The following CSTPP1 variants were observed in gnomAD, a reference collection of about 807,000 sequenced individuals.
The protein encoded by CSTPP1 is centriolar satellite-associated tubulin polyglutamylase complex regulator 1.
the CSTPP1 span, among the ~76,000 whole-genome samples, chr11:47,038,343 C>T: frequency 1.2e-5 from 1 of 86,372 alleles, no homozygotes; most frequent in African/African-American, 3.4e-5. Flanking sequence ...CCCCCCACCT[C>T]CCTCCTGGAC....
At chr11:47,161,854 T>C in the CSTPP1 span, 3 of 1,350,512 alleles carry the variant, frequency 2.2e-6, no homozygotes, top group Admixed American at 1.0e-4. Flanking sequence ...TATCAGCCTG[T>C]GAACTTCACT....
the CSTPP1 span, among the ~76,000 whole-genome samples, chr11:47,153,365 G>A: frequency 6.6e-6 from 1 of 151,672 alleles, no homozygotes; most frequent in Non-Finnish European, 1.5e-5. Context: ...TCTGGTGGTG[G>A]AGGCAGCTGT....
the CSTPP1 span, among the ~76,000 whole-genome samples, chr11:47,091,218 C>T: frequency 6.6e-6 from 1 of 151,138 alleles, no homozygotes; most frequent in Non-Finnish European, 1.5e-5. Context: ...GGTGAAACCC[C>T]ATCTCTACTA....
the CSTPP1 span, among the ~76,000 whole-genome samples, chr11:47,104,895 GT>G: frequency 6.6e-6 from 1 of 152,228 alleles, no homozygotes; most frequent in Non-Finnish European, 1.5e-5. Flanking sequence ...GTTTACATCT[GT>G]TTGTCTCAAC....
chr11:47,131,748 G>GGGTGGATCACCTGAGGTC, the CSTPP1 span, among the ~76,000 whole-genome samples: 2 of 151,996 alleles, frequency 1.3e-5, no homozygotes, highest in Non-Finnish European at 2.9e-5. Flanking sequence ...AGGCTGAGGC[G>GGGTGGATCACCTGAGGTC]GGTGGATCAC....
At chr11:47,013,576 AC>A in the CSTPP1 span, among the ~76,000 whole-genome samples, 6 of 152,168 alleles carry the variant, frequency 3.9e-5, no homozygotes, top group African/African-American at 1.4e-4. Context: ...AAAGGACATG[AC>A]CTCATTCCTT....
chr11:47,141,532 G>A, the CSTPP1 span, among the ~76,000 whole-genome samples: 1 of 151,952 alleles, frequency 6.6e-6, no homozygotes, highest in Non-Finnish European at 1.5e-5. Flanking sequence ...GCTTGAGCCT[G>A]GGGGGCAGAG....
the CSTPP1 span, among the ~76,000 whole-genome samples, chr11:47,012,051 G>A: frequency 2.0e-5 from 3 of 151,952 alleles, no homozygotes; most frequent in African/African-American, 4.8e-5. Context: ...GAAGCGGGAG[G>A]ATTGATTGAG....
chr11:46,946,912 G>A, the CSTPP1 span, among the ~76,000 whole-genome samples: 2 of 152,178 alleles, frequency 1.3e-5, no homozygotes, highest in Non-Finnish European at 2.9e-5. Flanking sequence ...TCTACTTTAA[G>A]TAACAGAATA....
the CSTPP1 span, among the ~76,000 whole-genome samples, chr11:46,986,422 AC>A: frequency 2.9e-5 from 4 of 139,760 alleles, no homozygotes; most frequent in Admixed American, 2.0e-4. Context: ...CTTTCCAGTG[AC>A]TTTTTTTTTT....
the CSTPP1 span, among the ~76,000 whole-genome samples, chr11:46,944,915 A>C: frequency 6.6e-6 from 1 of 152,170 alleles, no homozygotes; most frequent in Non-Finnish European, 1.5e-5. Flanking sequence ...ACAGTTACTG[A>C]TATAGTCTCT....
chr11:47,116,675 GTTTTT>G, the CSTPP1 span, among the ~76,000 whole-genome samples: 16 of 83,910 alleles, frequency 1.9e-4, no homozygotes, highest in African/African-American at 9.8e-5. Context: ...TGCTTGGTAG[GTTTTT>G]TTTTTTTTTT....
chr11:47,141,432 C>G, the CSTPP1 span, among the ~76,000 whole-genome samples: 376 of 151,878 alleles, frequency 2.5e-3, 1 homozygote, highest in African/African-American at 8.3e-3. Context: ...ATGGTGAAAC[C>G]CCATCTCTAA....
chr11:47,106,262 G>A, the CSTPP1 span, among the ~76,000 whole-genome samples: 1 of 152,156 alleles, frequency 6.6e-6, no homozygotes, highest in Admixed American at 6.5e-5. Flanking sequence ...TTGTCTTAGG[G>A]GTGGGAAGGA....
the CSTPP1 span, among the ~76,000 whole-genome samples, chr11:47,085,596 T>C: frequency 6.6e-6 from 1 of 152,088 alleles, no homozygotes; most frequent in Non-Finnish European, 1.5e-5. Context: ...TATTTCAAGA[T>C]ACTGAGGACT....
chr11:46,977,250 A>G, the CSTPP1 span, among the ~76,000 whole-genome samples: 1 of 152,346 alleles, frequency 6.6e-6, no homozygotes, highest in Middle Eastern at 3.4e-3. Context: ...ACAAAACAGC[A>G]GCCAGCACTA....
At chr11:47,041,615 A>G in the CSTPP1 span, 8 of 411,580 alleles carry the variant, frequency 1.9e-5, 2 homozygotes, top group Non-Finnish European at 3.5e-5. Context: ...TCCTGCATCA[A>G]CTTCTTGCTC....
At chr11:47,071,207 A>G in the CSTPP1 span, among the ~76,000 whole-genome samples, 1 of 152,214 alleles carries the variant, frequency 6.6e-6, no homozygotes, top group African/African-American at 2.4e-5. Context: ...GTGGATTTTT[A>G]TCTTTCCTTT....
the CSTPP1 span, among the ~76,000 whole-genome samples, chr11:47,027,504 G>C: frequency 6.6e-6 from 1 of 152,116 alleles, no homozygotes; most frequent in Non-Finnish European, 1.5e-5. Flanking sequence ...TCTATTTCAC[G>C]GCTATTTTAA....
Sources: gnomAD v4.1 joint callset for allele counts (sites outside exome capture counted in the v4.1 genomes callset) on GRCh38, gnomAD v4.1.1 for gene constraint, MANE v1.5 for transcripts, NCBI Gene and HGNC (gene_info 2026-07-23, HGNC 2026-07-21) for gene names.